Variants in MYO7A observed in about 807,000 individuals in gnomAD.
MYO7A encodes the protein myosin VIIA.
In MYO7A, 210 loss-of-function variants were observed where a neutral mutation model predicts 263.8. The ratio of observed to expected loss-of-function variants is 0.80; its 90% CI spans 0.71 to 0.89. The LOEUF (loss-of-function observed/expected upper bound fraction) is 0.89. Among genes scored for constraint, MYO7A ranks in the 40% least tolerant of loss-of-function variants. MYO7A has a pLI of 0.00. For missense variants in MYO7A, 2,820 were observed against 2,968.3 expected (o/e 0.95, Z 1.16); for synonymous variants, 1,239 against 1,197.3 (o/e 1.03, Z -0.72).
intron 28 of MYO7A, 77 bp downstream of exon 28, chr11:77,189,547 A>C: frequency 1.9e-6 from 3 of 1,579,892 alleles, no homozygotes; most frequent in Non-Finnish European, 2.6e-6. Flanking sequence ...AGCAATAGCC[A>C]GGGGCTCCAA....
rs557165173 is a variant in MYO7A at position 77,160,273 on chromosome 11, C to G, written c.1191C>G (p.Ala397=). The part of the protein sequence containing the change: ...SREQALDVRD[A]FVKGIYGRLF... ...AACAGGCACTGGACGTGCGCGACGC[C>G]TTCGTAAAGGTGGGCTGGAGGGAAG... is the stretch of plus-strand genomic sequence containing the variant. The change falls in exon 11 of 49, where the codon GCC becomes GCG. Residue 397 remains alanine (A), a synonymous_variant. Transcript: ENST00000409709. The G allele has an allele frequency of 3.8e-6, 6 of 1,563,272 alleles. No homozygotes were observed. Among genetic ancestry groups the G allele is most frequent in the Non-Finnish European group, 3.5e-6 (4 of 1,154,724 alleles).
Position 77,179,109 on chromosome 11 carries a change from T to G in MYO7A, c.2347T>G (p.Cys783Gly). ...CCAGAGGCACTGGCGGGGTCACAAC[T>G]GTAGGAAGAACTACGGGCTGGTGAG... ...LIQRHWRGHN[C>G]RKNYGLMRLG... Residue 783 changes from cysteine (C) to glycine (G), a missense_variant, in exon 20 of 49, where the codon TGT becomes GGT. Transcript: ENST00000409709. 2 of 1,604,596 alleles carry G rather than the reference T, an allele frequency of 1.2e-6. No homozygotes were observed. The highest frequency in any genetic ancestry group is 1.7e-6 in the Non-Finnish European group (2 of 1,175,956).
At chr11:77,184,510 C>A (rs1955513561) in intron 26 of MYO7A, 78 bp from the exon 27 acceptor site, 8 of 1,294,240 alleles carry the variant, frequency 6.2e-6, no homozygotes, top group Non-Finnish European at 4.3e-6. Flanking sequence ...GGGGAGCAGG[C>A]AGCCTCGGGT....
In MYO7A at chr11:77,189,985, C is replaced by T. The variant is rs746958618; in HGVS notation, c.3631-35C>T. The T allele has an allele frequency of 2.0e-4, 298 of 1,491,358 alleles. 1 individual carries two copies. The highest frequency in any genetic ancestry group is 2.5e-5 in the Non-Finnish European group (28 of 1,115,200). 92.4% of individuals were successfully genotyped at this position (1,491,358 alleles called of 1,614,324 possible). A position where few individuals can be genotyped will look rare whatever the true frequency, so the allele number is the denominator to read the frequency against. On this transcript the variant is annotated intron_variant, in intron 28 of 48. Transcript: ENST00000409709. ...TGCCCTCAAAATCCACATGGGGAGC[C>T]CCAGGGGCCGCCTCAGCGGGTACTC...
chr11:77,201,177 G>A (rs764836416), intron 35 of MYO7A, among the ~76,000 whole-genome samples: 3 of 152,220 alleles, frequency 2.0e-5, no homozygotes, highest in Non-Finnish European at 4.4e-5. Context: ...AGTGAGGGAG[G>A]AGAGGCGAGG....
intron 15 of MYO7A, among the ~76,000 whole-genome samples, chr11:77,169,677 T>G (rs1316305175): frequency 6.6e-6 from 1 of 152,154 alleles, no homozygotes; most frequent in Non-Finnish European, 1.5e-5. Context: ...ATTGAGTACC[T>G]ACTATATGCC....
chr11:77,193,556 T>C (rs1956401428), intron 31 of MYO7A, among the ~76,000 whole-genome samples: 1 of 151,972 alleles, frequency 6.6e-6, no homozygotes, highest in African/African-American at 2.4e-5. Context: ...GAGGTAGTGG[T>C]GGTAGTTTTG....
In MYO7A at chr11:77,175,372, G is replaced by A. The variant is rs781913580; in HGVS notation, c.2095G>A (p.Gly699Ser). 8.1e-6 allele frequency: 13 copies of A among 1,612,976 alleles called. No individual in the cohort carries two copies. Among genetic ancestry groups the A allele is most frequent in the Admixed American group, 1.7e-5 (1 of 59,996 alleles). Residue 699 changes from glycine (G) to serine (S), a missense_variant and splice_region_variant, in exon 18 of 49, where the codon GGC (glycine) becomes AGC (serine). Transcript: ENST00000409709. ...LPGVKPAYKQ[G>S]DLRGTCQRMA... is the part of the protein sequence containing the mutation. ...CTTGTGTTCCCCATCCTCACTCCAG[G>A]GCGACCTCCGCGGGACTTGCCAGCG...
At chr11:77,156,638 C>T (rs375971363) in intron 5 of MYO7A, 22 bp from the exon 6 acceptor site, 2 of 1,611,930 alleles carry the variant, frequency 1.2e-6, no homozygotes, top group African/African-American at 1.3e-5. Flanking sequence ...GTGACAGGTC[C>T]TGCCACTCCC....
At chr11:77,171,081 G>A (rs1954041227) in intron 15 of MYO7A, among the ~76,000 whole-genome samples, 2 of 152,240 alleles carry the variant, frequency 1.3e-5, no homozygotes, top group Non-Finnish European at 2.9e-5. Context: ...GACGCATCCT[G>A]TCCTCATGGG....
chr11:77,160,312 G>T, intron 11 of MYO7A, 30 bp downstream of exon 11: 4 of 1,542,242 alleles, frequency 2.6e-6, no homozygotes, highest in Non-Finnish European at 3.5e-6. Flanking sequence ...CCGCTTGCTC[G>T]CCCTACCCCT....
rs769965672 is a variant in MYO7A, at chr11:77,211,860, A to G, written c.6277A>G (p.Lys2093Glu). The G allele has an allele frequency of 1.9e-6, 3 of 1,613,966 alleles. No individual in the cohort carries two copies. Among genetic ancestry groups the G allele is most frequent in the African/African-American group, 1.3e-5 (1 of 75,036 alleles). ...AYFNKHAGKSKEEAKLAFLKL... is the reference protein window; with the variant it reads ...AYFNKHAGKSEEEAKLAFLKL... ...CTTCAACAAGCACGCAGGGAAGTCC[A>G]AGGAGGAGGCCAAGCTGGCCTTCCT... The change falls in exon 46 of 49, where the codon AAG (lysine) becomes GAG (glutamate). Residue 2093 changes from lysine (K) to glutamate (E), a missense_variant. Coordinates refer to ENST00000409709, the MANE Select transcript of MYO7A (RefSeq NM_000260.4).
At chr11:77,213,377 C>T (rs1223163517) in intron 47 of MYO7A, among the ~76,000 whole-genome samples, 2 of 152,256 alleles carry the variant, frequency 1.3e-5, no homozygotes, top group Admixed American at 1.3e-4. Context: ...AGCAGCCCAG[C>T]TGCACACCCA....
rs977305803 is a variant in MYO7A at position 77,130,768 on chromosome 11, G to C, written c.18+116G>C. 4.9e-6 allele frequency: 6 copies of C among 1,217,614 alleles called. No homozygotes were observed. In the East Asian group the frequency reaches 1.5e-4, roughly 31 times the overall value. 75.4% of individuals were successfully genotyped at this position (1,217,614 alleles called of 1,614,324 possible). A position where few individuals can be genotyped will look rare whatever the true frequency, so the allele number is the denominator to read the frequency against. On this transcript the variant is annotated intron_variant, in intron 2 of 48. Transcript: ENST00000409709. ...GTTCTCTTGGAAAATTCCTGCCTAG[G>C]CTTCCAAACCCAGCCCTCCAGGCTG...
chr11:77,135,039 C>T (rs1950871564), intron 2 of MYO7A, among the ~76,000 whole-genome samples: 1 of 152,150 alleles, frequency 6.6e-6, no homozygotes, highest in African/African-American at 2.4e-5. Context: ...CCCGCCTCAG[C>T]CTCCCAAAGT....
intron 21 of MYO7A, 64 bp downstream of exon 21, chr11:77,180,017 C>A: frequency 1.4e-6 from 2 of 1,450,964 alleles, no homozygotes; most frequent in South Asian, 1.3e-5. Context: ...CCATGCATCA[C>A]CCTCAGGTGT....
intron 44 of MYO7A, chr11:77,210,812 G>C (rs149244139): frequency 1.1e-3 from 211 of 200,598 alleles, no homozygotes; most frequent in African/African-American, 4.6e-3. Flanking sequence ...AGGAGGTGAG[G>C]GGTATGGAAC....
chr11:77,212,826 C>T (rs566148895), intron 46 of MYO7A, 126 bp from the exon 47 acceptor site: 12 of 777,580 alleles, frequency 1.5e-5, no homozygotes, highest in South Asian at 1.4e-4. Context: ...ATGGCAGGGC[C>T]GTCAGTACCA....
intron 2 of MYO7A, among the ~76,000 whole-genome samples, chr11:77,137,713 G>A (rs1247414702): frequency 1.3e-5 from 2 of 152,130 alleles, no homozygotes; most frequent in African/African-American, 4.8e-5. Context: ...CTGTCCTGGG[G>A]AGTTCAGGGG....
Sources: gnomAD v4.1 joint callset for allele counts (sites outside exome capture counted in the v4.1 genomes callset) on GRCh38, gnomAD v4.1.1 for gene constraint, MANE v1.5 for transcripts, NCBI Gene and HGNC (gene_info 2026-07-23, HGNC 2026-07-21) for gene names.